Variants in NR2C1 observed in about 807,000 individuals in gnomAD.
NR2C1 encodes the protein nuclear receptor subfamily 2 group C member 1.
A neutral mutation model predicts 74.8 loss-of-function variants in NR2C1; 33 were observed. That is an observed-to-expected ratio of 0.44 (90% CI 0.33 to 0.59). The LOEUF is 0.59. NR2C1 is among the 20% of genes least tolerant of loss of function. The pLI, the probability that NR2C1 is intolerant of heterozygous loss-of-function variation, is 0.02. For synonymous variants in NR2C1, 225 were observed against 240.6 expected, an observed-to-expected ratio of 0.94 and a Z score of 0.60; for missense variants, 568 against 715.6, an observed-to-expected ratio of 0.79 and a Z score of 2.35.
In NR2C1 at chr12:95,024,064, G is replaced by C. The variant is rs192755123; in HGVS notation, c.1637+1086C>G. On this transcript the variant is annotated intron_variant, in intron 13 of 13. Transcript: ENST00000333003. Reference sequence around the variant, plus strand: ...CACATCAAATTACTCAGCTTTTACAGAACTGGTAGAAAGCAGAATAGGAAA... The same window carrying C: ...CACATCAAATTACTCAGCTTTTACACAACTGGTAGAAAGCAGAATAGGAAA... Among the ~76,000 whole-genome samples the C allele has an allele frequency of 3.9e-5, 6 of 152,250 alleles. No homozygotes were observed. The East Asian group carries it at 9.6e-4, about 24-fold the overall frequency.
rs760709386 is a variant in NR2C1, at chr12:95,059,974, T to C, written c.296A>G (p.Asp99Gly). 4.1e-6 allele frequency: 6 copies of C among 1,450,980 alleles called. No individual in the cohort carries two copies. The African/African-American group carries it at 4.5e-5, about 11-fold the overall frequency. The allele number at this position is 1,450,980 out of a possible 1,614,324, so 89.9% of individuals were successfully genotyped here. Residue 99 changes from aspartate (D) to glycine (G), a missense_variant, in exon 4 of 14, where the codon GAT (aspartate) becomes GGT (glycine). This residue lies in a region of NR2C1 where 128 missense variants were observed against 118.9 expected (regional missense o/e 1.08). Transcript: ENST00000333003. ...LSAQHLQLLTDNSPDQGPNKV... is the reference protein window; with the variant it reads ...LSAQHLQLLTGNSPDQGPNKV... ...ATTTGGTCCTTGGTCTGGAGAATTA[T>C]CTGTTAGGAGCTAAAAAAAAAAAAA...
At chr12:95,041,375 G>T (rs1432014143) in intron 9 of NR2C1, among the ~76,000 whole-genome samples, 1 of 152,060 alleles carries the variant, frequency 6.6e-6, no homozygotes, top group Admixed American at 6.6e-5. Flanking sequence ...CCAGCTACCC[G>T]GGAGGCTGAG....
In NR2C1 at chr12:95,031,532, A is replaced by G. The variant is rs368032621; in HGVS notation, c.1254-44T>C. 5 of 1,462,306 alleles carry G rather than the reference A, an allele frequency of 3.4e-6. No individual in the cohort carries two copies. The South Asian group carries it at 4.2e-5, about 12-fold the overall frequency. The allele number at this position is 1,462,306 out of a possible 1,614,324, so 90.6% of individuals were successfully genotyped here. ...AAAGCACAAATCAGATATTATTAAA[A>G]TAAGTTTTATAAACCTTACAGCTAG... On this transcript the variant is annotated intron_variant, in intron 10 of 13. Transcript: ENST00000333003.
At chr12:95,068,111 C>CTCG (rs1394164340) in intron 1 of NR2C1, among the ~76,000 whole-genome samples, 1 of 152,078 alleles carries the variant, frequency 6.6e-6, no homozygotes, top group East Asian at 1.9e-4. Context: ...ATCTCCTGAC[C>CTCG]TCGTGATCTG....
chr12:95,024,838 T>G (rs1405576635), intron 13 of NR2C1, among the ~76,000 whole-genome samples: 1 of 152,198 alleles, frequency 6.6e-6, no homozygotes, highest in African/African-American at 2.4e-5. Flanking sequence ...CATTATTTTA[T>G]CCAAAGAAAA....
intron 9 of NR2C1, 105 bp from the exon 10 acceptor site, chr12:95,040,702 T>A: frequency 1.9e-6 from 2 of 1,047,430 alleles, no homozygotes; most frequent in Admixed American, 2.7e-5. Flanking sequence ...AGAGCTAATA[T>A]ATTCACAAAA....
At chr12:95,029,816 C>T (rs538758283) in intron 11 of NR2C1, among the ~76,000 whole-genome samples, 1 of 152,154 alleles carries the variant, frequency 6.6e-6, no homozygotes, top group Non-Finnish European at 1.5e-5. Context: ...CTAGGCATCT[C>T]AAAGTGCTGG....
chr12:95,057,343 G>A (rs540503043), intron 7 of NR2C1, among the ~76,000 whole-genome samples: 2 of 151,412 alleles, frequency 1.3e-5, no homozygotes, highest in East Asian at 2.0e-4. Context: ...GACCTCAAGC[G>A]ATCCATGTGC....
chr12:95,070,305 T>C (rs1327618203), intron 1 of NR2C1, among the ~76,000 whole-genome samples: 1 of 152,082 alleles, frequency 6.6e-6, no homozygotes, highest in Non-Finnish European at 1.5e-5. Context: ...GTACTTTTTG[T>C]ATTTTTAGTA....
In NR2C1 at chr12:95,059,531, G is replaced by A. The variant is rs560032034; in HGVS notation, c.364+375C>T. Among the ~76,000 whole-genome samples, 695 of 152,028 alleles carry A rather than the reference G, an allele frequency of 4.6e-3. 5 individuals carry two copies. The highest frequency in any genetic ancestry group is 6.8e-3 in the Non-Finnish European group (465 of 67,974). On this transcript the variant is annotated intron_variant, in intron 4 of 13. Coordinates refer to ENST00000333003, the MANE Select transcript of NR2C1 (RefSeq NM_003297.4). Reference sequence around the variant, plus strand: ...GTTTGAGACCAGCCTGGCCAACATGGTGAAACTCCATTTCCAATAAAAATA... The same window carrying A: ...GTTTGAGACCAGCCTGGCCAACATGATGAAACTCCATTTCCAATAAAAATA...
intron 4 of NR2C1, 26 bp from the exon 5 acceptor site, chr12:95,058,515 A>G (rs1450129929): frequency 1.3e-6 from 2 of 1,574,784 alleles, no homozygotes; most frequent in South Asian, 1.1e-5. Context: ...TTAAGAAAAT[A>G]TAAAAGTCAC....
At chr12:95,052,046 T>C in intron 7 of NR2C1, 103 bp from the exon 8 acceptor site, 1 of 701,394 alleles carries the variant, frequency 1.4e-6, no homozygotes, top group Admixed American at 3.7e-5. Context: ...AAGAACAGTA[T>C]GATAAATGAA....
chr12:95,044,876 T>C (rs1175700002), intron 9 of NR2C1, among the ~76,000 whole-genome samples: 5 of 151,788 alleles, frequency 3.3e-5, no homozygotes, highest in African/African-American at 9.7e-5. Flanking sequence ...AGCCAGTCTG[T>C]CTCAAAAAAA....
At chr12:95,058,268 G>C in intron 5 of NR2C1, 42 bp downstream of exon 5, 1 of 1,530,440 alleles carries the variant, frequency 6.5e-7, no homozygotes, top group African/African-American at 1.4e-5. Flanking sequence ...TAGTTTGCTG[G>C]AATCTTTAAA....
At chr12:95,038,070 C>T (rs1474316699) in intron 10 of NR2C1, among the ~76,000 whole-genome samples, 1 of 152,008 alleles carries the variant, frequency 6.6e-6, no homozygotes, top group Non-Finnish European at 1.5e-5. Flanking sequence ...TAAGAGTTTA[C>T]ATAATGGCCT....
intron 7 of NR2C1, among the ~76,000 whole-genome samples, chr12:95,056,375 T>G (rs1565865107): frequency 6.6e-6 from 1 of 152,218 alleles, no homozygotes; most frequent in Non-Finnish European, 1.5e-5. Flanking sequence ...CCCAAAGGGC[T>G]TCTGACAAGT....
intron 9 of NR2C1, among the ~76,000 whole-genome samples, chr12:95,041,493 A>C (rs1259192198): frequency 6.6e-6 from 1 of 152,130 alleles, no homozygotes; most frequent in East Asian, 1.9e-4. Context: ...AAACAAAACA[A>C]AACAAAAAAA....
Position 95,072,469 on chromosome 12 carries a change from A to G in NR2C1, c.-8+911T>C, listed in dbSNP as rs576851060. 1.9e-3 allele frequency among the ~76,000 whole-genome samples: 280 copies of G among 150,834 alleles called. 1 individual carries two copies. In the East Asian group the frequency reaches 0.023, roughly 12 times the overall value. On this transcript the variant is annotated intron_variant, in intron 1 of 13. Transcript: ENST00000333003. ...CCTCTCCCTCTCAAAAAAAAAAAAAAAAAAAGAAAAAAAAATCGAGTATCA... is the reference window on the plus strand; with the variant it reads ...CCTCTCCCTCTCAAAAAAAAAAAAAGAAAAAGAAAAAAAAATCGAGTATCA...
intron 9 of NR2C1, among the ~76,000 whole-genome samples, chr12:95,042,112 C>T (rs78693164): frequency 1.7e-3 from 251 of 151,970 alleles, no homozygotes; most frequent in Middle Eastern, 0.01. Flanking sequence ...GAAGGAAACA[C>T]GCCACACAGT....
Sources: allele counts gnomAD v4.1 joint callset (sites outside exome capture counted in the v4.1 genomes callset), GRCh38; gene constraint gnomAD v4.1.1; regional missense constraint gnomAD v4.1.1; transcripts MANE v1.5; gene names NCBI Gene and HGNC (gene_info 2026-07-23, HGNC 2026-07-21).